The following SLC44A5 variants were observed in gnomAD, a reference collection of about 807,000 sequenced individuals.
The protein encoded by SLC44A5 is choline transporter-like protein 5.
Under a neutral mutation model 101.8 loss-of-function variants are expected in SLC44A5, and 57 were observed. The ratio of observed to expected loss-of-function variants is 0.56; its 90% confidence interval spans 0.45 to 0.70. The LOEUF (loss-of-function observed/expected upper bound fraction) is 0.70. SLC44A5 is among the 30% of genes least tolerant of loss of function. The pLI, the probability that SLC44A5 is intolerant of heterozygous loss-of-function variation, is 0.00. For synonymous variants in SLC44A5, 281 were observed against 290.9 expected, an observed-to-expected ratio of 0.97 and a Z score of 0.35; for missense variants, 737 against 853.1, an observed-to-expected ratio of 0.86 and a Z score of 1.70.
intron 1 of SLC44A5, among the ~76,000 whole-genome samples, chr1:75,581,780 G>GT (rs1285595461): frequency 2.0e-5 from 3 of 152,108 alleles, no homozygotes; most frequent in Non-Finnish European, 2.9e-5. Flanking sequence ...CTTGAGAACT[G>GT]TTTTTAAAAG....
chr1:75,510,501 T>C (rs2101868356), intron 2 of SLC44A5, among the ~76,000 whole-genome samples: 1 of 152,276 alleles, frequency 6.6e-6, no homozygotes, highest in Admixed American at 6.5e-5. Context: ...ATGAGACTTA[T>C]TCAGGTCATG....
intron 2 of SLC44A5, among the ~76,000 whole-genome samples, chr1:75,421,231 A>G (rs747077322): frequency 6.6e-6 from 1 of 152,126 alleles, no homozygotes; most frequent in Non-Finnish European, 1.5e-5. Flanking sequence ...TATTATTTTA[A>G]TTAACATAGA....
chr1:75,650,532 A>G, the SLC44A5 span, among the ~76,000 whole-genome samples: 1 of 152,222 alleles, frequency 6.6e-6, no homozygotes, highest in Non-Finnish European at 1.5e-5. Context: ...AGACTTCATC[A>G]ATCTGCCACA....
rs373017485 is a variant in SLC44A5, at chr1:75,583,702, G to A, written c.-70+27338C>T. ...CACTTTCTGCTCAGCTAGATGCAAA[G>A]GGAAACCCCACTAATTTTTGCAATT... On this transcript the variant is annotated intron_variant, in intron 1 of 23. Transcript: ENST00000370859. Among the ~76,000 whole-genome samples the A allele has an allele frequency of 1.8e-3, 278 of 152,290 alleles. 5 individuals carry two copies. In the South Asian group the frequency reaches 0.056, roughly 31 times the overall value.
intron 6 of SLC44A5, among the ~76,000 whole-genome samples, chr1:75,258,524 C>G (rs1041579331): frequency 3.9e-5 from 6 of 152,094 alleles, no homozygotes; most frequent in Non-Finnish European, 8.8e-5. Flanking sequence ...GCAGCAGCCC[C>G]AGTCAGGGAC....
intron 1 of SLC44A5, among the ~76,000 whole-genome samples, chr1:75,610,252 C>T (rs529969304): frequency 3.3e-5 from 5 of 150,858 alleles, no homozygotes; most frequent in African/African-American, 1.2e-4. Context: ...ATACATATAC[C>T]TATATACACA....
chr1:75,603,894 C>T (rs973712042), intron 1 of SLC44A5, among the ~76,000 whole-genome samples: 1 of 150,256 alleles, frequency 6.7e-6, no homozygotes, highest in Non-Finnish European at 1.5e-5. Flanking sequence ...GTTTAAGTTC[C>T]TTATAGATTC....
At chr1:75,634,658 G>C in the SLC44A5 span, among the ~76,000 whole-genome samples, 17 of 149,264 alleles carry the variant, frequency 1.1e-4, no homozygotes, top group South Asian at 2.2e-4. Context: ...ATACAAAAAT[G>C]AATTCAAGAT....
intron 3 of SLC44A5, among the ~76,000 whole-genome samples, chr1:75,356,261 C>T (rs1055857764): frequency 2.7e-5 from 4 of 147,430 alleles, no homozygotes; most frequent in Non-Finnish European, 6.0e-5. Context: ...GCCTTGTTAG[C>T]ATAGGAGATG....
chr1:75,307,479 T>C (rs760855240), intron 4 of SLC44A5, among the ~76,000 whole-genome samples: 1 of 152,224 alleles, frequency 6.6e-6, no homozygotes, highest in Non-Finnish European at 1.5e-5. Flanking sequence ...TGAGATACGT[T>C]TGGCAAACTG....
chr1:75,694,419 A>AT, the SLC44A5 span, among the ~76,000 whole-genome samples: 2 of 151,954 alleles, frequency 1.3e-5, no homozygotes, highest in Admixed American at 1.3e-4. Flanking sequence ...GTTAATTTCC[A>AT]TTTTTTTAAT....
At chr1:75,272,511 T>G (rs1004937669) in intron 6 of SLC44A5, among the ~76,000 whole-genome samples, 4 of 152,100 alleles carry the variant, frequency 2.6e-5, no homozygotes, top group African/African-American at 9.7e-5. Flanking sequence ...TTCTAGAAGT[T>G]TTATGGTTTC....
the SLC44A5 span, among the ~76,000 whole-genome samples, chr1:75,647,972 T>C: frequency 6.6e-6 from 1 of 152,170 alleles, no homozygotes; most frequent in Non-Finnish European, 1.5e-5. Context: ...TAATTTTGTT[T>C]TGAAACGTGA....
At chr1:75,387,105 T>C (rs528531927) in intron 3 of SLC44A5, among the ~76,000 whole-genome samples, 29 of 152,214 alleles carry the variant, frequency 1.9e-4, no homozygotes, top group African/African-American at 4.1e-4. Flanking sequence ...ACCATAAAAA[T>C]CCTAGAAGAA....
intron 5 of SLC44A5, among the ~76,000 whole-genome samples, chr1:75,284,205 G>A (rs1005859976): frequency 3.3e-5 from 5 of 151,998 alleles, no homozygotes; most frequent in East Asian, 3.9e-4. Context: ...TCTGTGTAGC[G>A]ATGTGTCACC....
At chr1:75,452,676 C>G (rs1665970230) in intron 2 of SLC44A5, among the ~76,000 whole-genome samples, 1 of 152,076 alleles carries the variant, frequency 6.6e-6, no homozygotes. Context: ...TAATGACACC[C>G]ATAGGCTCTA....
Position 75,204,003 on chromosome 1 carries a change from T to G in SLC44A5, c.2048-170A>C, listed in dbSNP as rs535886415. Among the ~76,000 whole-genome samples, 24 of 152,280 alleles carry G rather than the reference T, an allele frequency of 1.6e-4. No homozygotes were observed. The East Asian group carries it at 4.4e-3, about 28-fold the overall frequency. ...GGCATCAACATTATTGTAAACATAG[T>G]TATGCGAAAACAATAAGCCCTTGTG... On this transcript the variant is annotated intron_variant, in intron 23 of 23. Coordinates refer to ENST00000370859, the MANE Select transcript of SLC44A5 (RefSeq NM_001130058.2).
intron 9 of SLC44A5, among the ~76,000 whole-genome samples, chr1:75,241,794 C>A (rs1396478681): frequency 1.3e-5 from 2 of 151,918 alleles, no homozygotes; most frequent in South Asian, 2.1e-4. Context: ...AAGGAAAATT[C>A]AAAAATTCAG....
intron 1 of SLC44A5, among the ~76,000 whole-genome samples, chr1:75,591,614 TGCAAAATACTCA>T (rs1674357676): frequency 6.6e-6 from 1 of 152,170 alleles, no homozygotes; most frequent in African/African-American, 2.4e-5. Context: ...TGAATATTGA[TGCAAAATACTCA>T]GCAAAATACT....
Sources: allele counts gnomAD v4.1 joint callset (sites outside exome capture counted in the v4.1 genomes callset), GRCh38; gene constraint gnomAD v4.1.1; transcripts MANE v1.5; gene names NCBI Gene and HGNC (gene_info 2026-07-23, HGNC 2026-07-21).